LINGO2: variants seen among roughly 807,000 people sequenced by gnomAD.
The protein encoded by LINGO2 is leucine-rich repeat and immunoglobulin-like domain-containing nogo receptor-interacting protein 2.
In LINGO2, 14 loss-of-function variants were observed where a neutral mutation model predicts 30.6. That is an observed-to-expected ratio of 0.46 (90% confidence interval 0.30 to 0.72). The LOEUF is 0.72. Ranked by LOEUF, LINGO2 falls within the 30% of genes least tolerant of loss-of-function variation. The probability of loss-of-function intolerance (pLI) is 0.07; values close to 1 mark genes in which losing one functional copy is unlikely to be tolerated. For missense variants in LINGO2, 729 were observed against 751.7 expected (o/e 0.97, Z 0.35); for synonymous variants, 317 against 288.5 (o/e 1.10, Z -1.00).
the LINGO2 span, among the ~76,000 whole-genome samples, chr9:29,207,793 C>T: frequency 5.9e-5 from 9 of 152,114 alleles, no homozygotes; most frequent in East Asian, 1.9e-4. Flanking sequence ...CTATTCTTGA[C>T]ATTAACTAGT....
At chr9:28,228,064 C>T (rs1390173641) in intron 4 of LINGO2, among the ~76,000 whole-genome samples, 2 of 152,010 alleles carry the variant, frequency 1.3e-5, no homozygotes, top group East Asian at 3.9e-4. Flanking sequence ...TAGTCATATC[C>T]TAATGATTCC....
At chr9:28,581,706 A>G (rs1219882061) in intron 1 of LINGO2, among the ~76,000 whole-genome samples, 1 of 151,912 alleles carries the variant, frequency 6.6e-6, no homozygotes, top group Non-Finnish European at 1.5e-5. Context: ...ACACACAAGA[A>G]TGCATCTATT....
intron 2 of LINGO2, among the ~76,000 whole-genome samples, chr9:28,434,349 G>A (rs1305828831): frequency 6.9e-6 from 1 of 144,444 alleles, no homozygotes; most frequent in African/African-American, 2.6e-5. Flanking sequence ...AGAAAAAAAG[G>A]AAAAAAAAAA....
At chr9:28,339,123 C>T (rs554503505) in intron 3 of LINGO2, among the ~76,000 whole-genome samples, 6 of 152,090 alleles carry the variant, frequency 3.9e-5, no homozygotes, top group Non-Finnish European at 7.4e-5. Flanking sequence ...TCAGTCATAA[C>T]AAAATGTCCT....
At chr9:28,433,949 C>CTCTCTCTCTCTATATATA (rs1225323260) in intron 2 of LINGO2, among the ~76,000 whole-genome samples, 40 of 88,532 alleles carry the variant, frequency 4.5e-4, no homozygotes, top group African/African-American at 1.6e-3. Flanking sequence ...CTCTCTCTCT[C>CTCTCTCTCTCTATATATA]TATATATATA....
In LINGO2 at chr9:28,117,185, G is replaced by T. The variant is rs557353242; in HGVS notation, c.-86-104780C>A. On this transcript the variant is annotated intron_variant, in intron 4 of 5. Coordinates refer to ENST00000379992, the Ensembl canonical transcript of LINGO2. Reference sequence around the variant, plus strand: ...ATACTCTGCCATGTGAGGTGTCAGTGTGCCCCTGGTGGGGGGTGCCTCCCA... The same window carrying T: ...ATACTCTGCCATGTGAGGTGTCAGTTTGCCCCTGGTGGGGGGTGCCTCCCA... Among the ~76,000 whole-genome samples, 3 of 151,848 alleles carry T rather than the reference G, an allele frequency of 2.0e-5. No individual in the cohort carries two copies. In the East Asian group the frequency reaches 5.8e-4, roughly 30 times the overall value.
intron 4 of LINGO2, among the ~76,000 whole-genome samples, chr9:28,108,465 CT>C (rs34706407): frequency 0.046 from 6,941 of 152,174 alleles, 223 homozygotes; most frequent in Middle Eastern, 0.14. Flanking sequence ...GGCCATCGAT[CT>C]TTTATACTCA....
the LINGO2 span, among the ~76,000 whole-genome samples, chr9:28,901,503 A>T: frequency 6.6e-6 from 1 of 152,112 alleles, no homozygotes; most frequent in Non-Finnish European, 1.5e-5. Context: ...AATAGGCGCA[A>T]TTATTTGTTA....
At chr9:28,443,815 G>A (rs1824297323) in intron 2 of LINGO2, among the ~76,000 whole-genome samples, 1 of 152,190 alleles carries the variant, frequency 6.6e-6, no homozygotes, top group African/African-American at 2.4e-5. Flanking sequence ...GCAGGAGGCA[G>A]ACAGGTTCCT....
intron 4 of LINGO2, among the ~76,000 whole-genome samples, chr9:28,226,662 A>C (rs1017218294): frequency 2.2e-5 from 2 of 90,056 alleles, no homozygotes; most frequent in African/African-American, 1.3e-4. Context: ...AAAGAAAGAA[A>C]GAAAGAAAGA....
rs139444241 is a variant in LINGO2 at position 28,158,590 on chromosome 9, G to A, written c.-87+136618C>T. ...AAAATTGGATTAAAACTCAATCAGG[G>A]TTCAGTGGAGCACATCTAATAGACA... On this transcript the variant is annotated intron_variant, in intron 4 of 5. Transcript: ENST00000379992. Among the ~76,000 whole-genome samples the A allele has an allele frequency of 3.9e-5, 6 of 152,252 alleles. No individual in the cohort carries two copies. In the East Asian group the frequency reaches 9.7e-4, roughly 25 times the overall value.
chr9:28,494,703 C>A (rs1019348084), intron 1 of LINGO2, among the ~76,000 whole-genome samples: 5 of 152,158 alleles, frequency 3.3e-5, no homozygotes, highest in African/African-American at 1.2e-4. Context: ...TTTAAAGCAG[C>A]ATGATTTATA....
chr9:28,276,228 C>T (rs989100418), intron 4 of LINGO2, among the ~76,000 whole-genome samples: 4 of 152,036 alleles, frequency 2.6e-5, no homozygotes, highest in Non-Finnish European at 5.9e-5. Flanking sequence ...ATTTCTAAAC[C>T]AGTTTCTCAC....
intron 5 of LINGO2, among the ~76,000 whole-genome samples, chr9:27,972,295 G>A (rs931910439): frequency 5.9e-5 from 9 of 152,196 alleles, no homozygotes; most frequent in South Asian, 2.1e-4. Context: ...TGATTACTGC[G>A]TAAAGGAGTG....
the LINGO2 span, among the ~76,000 whole-genome samples, chr9:28,916,752 GC>G: frequency 1.5e-3 from 225 of 152,086 alleles, no homozygotes; most frequent in African/African-American, 4.7e-3. Context: ...TTATGCACAT[GC>G]CCTTAGCTTT....
chr9:28,951,380 G>A, the LINGO2 span, among the ~76,000 whole-genome samples: 1 of 151,580 alleles, frequency 6.6e-6, no homozygotes, highest in African/African-American at 2.4e-5. Context: ...ATGGGGGTGG[G>A]GGGGCACTGG....
chr9:28,944,269 T>C, the LINGO2 span, among the ~76,000 whole-genome samples: 114 of 152,310 alleles, frequency 7.5e-4, 3 homozygotes, highest in East Asian at 5.8e-3. Context: ...AGTAATGGTA[T>C]GCATTGTTTT....
At chr9:28,370,896 T>A (rs1341617828) in intron 3 of LINGO2, among the ~76,000 whole-genome samples, 1 of 152,204 alleles carries the variant, frequency 6.6e-6, no homozygotes, top group African/African-American at 2.4e-5. Context: ...TTAAAATGAA[T>A]AATAGTTGAA....
At chr9:28,716,658 T>C in the LINGO2 span, among the ~76,000 whole-genome samples, 753 of 152,254 alleles carry the variant, frequency 4.9e-3, 9 homozygotes, top group African/African-American at 0.018. Flanking sequence ...GTGTTCCATT[T>C]ATCTTTGCCA....
Sources: gnomAD v4.1 joint callset for allele counts (sites outside exome capture counted in the v4.1 genomes callset) on GRCh38, gnomAD v4.1.1 for gene constraint, MANE v1.5 for transcripts, NCBI Gene and HGNC (gene_info 2026-07-23, HGNC 2026-07-21) for gene names.